TMEM132B: variants seen among roughly 807,000 people sequenced by gnomAD.
TMEM132B encodes the protein transmembrane protein 132B.
In TMEM132B, 18 loss-of-function variants were observed where a neutral mutation model predicts 90.8. The ratio of observed to expected loss-of-function variants is 0.20; its 90% CI spans 0.14 to 0.29. The LOEUF is 0.29. Ranked by LOEUF, TMEM132B falls within the 10% of genes least tolerant of loss-of-function variation. The probability of loss-of-function intolerance (pLI) is 1.00; values close to 1 mark genes in which losing one functional copy is unlikely to be tolerated. For synonymous variants in TMEM132B, 504 were observed against 523.3 expected (o/e 0.96, Z 0.50); for missense variants, 1,096 against 1,326.8 (o/e 0.83, Z 2.70).
intron 1 of TMEM132B, among the ~76,000 whole-genome samples, chr12:125,268,741 G>A (rs926610196): frequency 6.6e-6 from 1 of 152,248 alleles, no homozygotes; most frequent in Admixed American, 6.5e-5. Context: ...TTCTAGAATC[G>A]TGTATCTTTT....
chr12:125,238,390 A>AAAC (rs1873990404), intron 1 of TMEM132B, among the ~76,000 whole-genome samples: 1 of 149,228 alleles, frequency 6.7e-6, no homozygotes, highest in Non-Finnish European at 1.5e-5. Context: ...AAAAAAACCA[A>AAAC]AAAAACAAAA....
intron 2 of TMEM132B, among the ~76,000 whole-genome samples, chr12:125,386,927 G>A (rs1326741482): frequency 6.6e-6 from 1 of 152,128 alleles, no homozygotes; most frequent in African/African-American, 2.4e-5. Context: ...AAAACCCAGA[G>A]CTTCTTTACT....
In TMEM132B at chr12:125,464,897, T is replaced by C. The variant is rs901660883; in HGVS notation, c.1106+49220T>C. Among the ~76,000 whole-genome samples the C allele has an allele frequency of 3.3e-5, 5 of 152,356 alleles. No individual in the cohort carries two copies. The East Asian group carries it at 9.6e-4, about 29-fold the overall frequency. On this transcript the variant is annotated intron_variant, in intron 3 of 8. Coordinates refer to ENST00000682704, the MANE Select transcript of TMEM132B (RefSeq NM_001366854.1). ...TGGCTTAATTACAGTAGTTTTGCTGTGGAAAAGAATTGTGTTGTTTTCCAT... is the reference window on the plus strand; with the variant it reads ...TGGCTTAATTACAGTAGTTTTGCTGCGGAAAAGAATTGTGTTGTTTTCCAT...
intron 1 of TMEM132B, among the ~76,000 whole-genome samples, chr12:125,331,666 C>T (rs1876777234): frequency 2.6e-5 from 4 of 152,350 alleles, no homozygotes; most frequent in Middle Eastern, 6.8e-3. Context: ...GGCTGCACCC[C>T]TTACTGGCTG....
chr12:125,394,223 AG>A (rs1268290643), intron 2 of TMEM132B, among the ~76,000 whole-genome samples: 1 of 152,222 alleles, frequency 6.6e-6, no homozygotes, highest in Admixed American at 6.5e-5. Flanking sequence ...AGGCTCAGAG[AG>A]GTTAAGTAAC....
chr12:125,197,917 A>T (rs1238906566), intron 1 of TMEM132B, among the ~76,000 whole-genome samples: 1 of 152,260 alleles, frequency 6.6e-6, no homozygotes, highest in Non-Finnish European at 1.5e-5. Flanking sequence ...CAGTAGATTT[A>T]TGTAACATTT....
chr12:125,196,783 G>A (rs1872934493), intron 1 of TMEM132B, among the ~76,000 whole-genome samples: 1 of 152,178 alleles, frequency 6.6e-6, no homozygotes. Flanking sequence ...ATGTTTACTG[G>A]CACATAGTAA....
intron 1 of TMEM132B, among the ~76,000 whole-genome samples, chr12:125,314,239 T>C (rs955456451): frequency 6.6e-6 from 1 of 152,114 alleles, no homozygotes; most frequent in Non-Finnish European, 1.5e-5. Context: ...TTGACTTCTG[T>C]GTGGGCGTCT....
chr12:125,358,146 T>TG (rs151230909), intron 2 of TMEM132B, among the ~76,000 whole-genome samples: 1,857 of 152,006 alleles, frequency 0.012, 42 homozygotes, highest in African/African-American at 0.041. Context: ...ACACTCTCTA[T>TG]GGGGGGGAGA....
At chr12:125,323,314 C>A (rs1876478987) in intron 1 of TMEM132B, among the ~76,000 whole-genome samples, 1 of 152,074 alleles carries the variant, frequency 6.6e-6, no homozygotes, top group Non-Finnish European at 1.5e-5. Context: ...CAGGCGCCTG[C>A]AGTCTCAGCT....
intron 1 of TMEM132B, among the ~76,000 whole-genome samples, chr12:125,203,893 T>G (rs1873123410): frequency 6.6e-6 from 1 of 152,192 alleles, no homozygotes; most frequent in African/African-American, 2.4e-5. Flanking sequence ...CAGAGTACTT[T>G]GAACAGGGAA....
At chr12:125,618,811 G>A (rs1042914040) in intron 5 of TMEM132B, among the ~76,000 whole-genome samples, 2 of 152,118 alleles carry the variant, frequency 1.3e-5, no homozygotes, top group African/African-American at 4.8e-5. Flanking sequence ...TAGGTGATAT[G>A]TAAATATACA....
At chr12:125,284,016 C>T (rs1351623256) in intron 1 of TMEM132B, among the ~76,000 whole-genome samples, 1 of 152,132 alleles carries the variant, frequency 6.6e-6, no homozygotes, top group Non-Finnish European at 1.5e-5. Flanking sequence ...CCTTTGTTAC[C>T]CCACTCAGTT....
At chr12:125,468,822 A>G (rs1296556552) in intron 3 of TMEM132B, among the ~76,000 whole-genome samples, 3 of 152,214 alleles carry the variant, frequency 2.0e-5, no homozygotes, top group Non-Finnish European at 4.4e-5. Flanking sequence ...CGTCTTGGTT[A>G]AGTTTATACC....
chr12:125,332,544 G>T (rs926452955), intron 1 of TMEM132B, among the ~76,000 whole-genome samples: 1 of 148,326 alleles, frequency 6.7e-6, no homozygotes, highest in Non-Finnish European at 1.5e-5. Flanking sequence ...GCGTCACGGG[G>T]ACCCTTATGT....
intron 3 of TMEM132B, among the ~76,000 whole-genome samples, chr12:125,499,471 C>A (rs1882640661): frequency 6.6e-6 from 1 of 152,330 alleles, no homozygotes; most frequent in South Asian, 2.1e-4. Flanking sequence ...GTGCTTCCCC[C>A]TGCAGAGAGC....
chr12:125,200,807 G>T (rs1375729409), intron 1 of TMEM132B, among the ~76,000 whole-genome samples: 1 of 152,220 alleles, frequency 6.6e-6, no homozygotes, highest in Non-Finnish European at 1.5e-5. Flanking sequence ...TTGCCCAAGA[G>T]TAGCTTCTTG....
At chr12:125,647,738 AAAG>A (rs1177435932) in intron 6 of TMEM132B, among the ~76,000 whole-genome samples, 4 of 152,194 alleles carry the variant, frequency 2.6e-5, no homozygotes, top group Admixed American at 1.3e-4. Flanking sequence ...TTCAGAAAGG[AAAG>A]AAGAATGATA....
intron 5 of TMEM132B, among the ~76,000 whole-genome samples, chr12:125,588,620 G>A (rs1293039750): frequency 1.3e-5 from 2 of 151,470 alleles, no homozygotes; most frequent in Non-Finnish European, 2.9e-5. Context: ...GAGCCACCAC[G>A]CCCCTCTACA....
Sources: allele counts gnomAD v4.1 joint callset (sites outside exome capture counted in the v4.1 genomes callset), GRCh38; gene constraint gnomAD v4.1.1; transcripts MANE v1.5; gene names NCBI Gene and HGNC (gene_info 2026-07-23, HGNC 2026-07-21).